Variants in PHKA2 observed in about 807,000 individuals in gnomAD.
PHKA2 encodes the protein phosphorylase kinase regulatory subunit alpha 2, also known as phosphorylase b kinase regulatory subunit alpha, liver isoform.
In PHKA2, 31 loss-of-function variants were observed where a neutral mutation model predicts 102.0. That is an observed-to-expected ratio of 0.30 (90% CI 0.23 to 0.41). The LOEUF (loss-of-function observed/expected upper bound fraction) is 0.41. PHKA2 is among the 10% of genes least tolerant of loss of function. The probability of loss-of-function intolerance (pLI) is 1.00; values close to 1 mark genes in which losing one functional copy is unlikely to be tolerated. For synonymous variants in PHKA2, 455 were observed against 416.2 expected (o/e 1.09, Z -1.13); for missense variants, 858 against 1,023.1 (o/e 0.84, Z 2.20).
intron 13 of PHKA2, 60 bp from the exon 14 acceptor site, chrX:18,926,647 C>T (rs1272908033): frequency 2.7e-5 from 29 of 1,094,270 alleles, no homozygotes; most frequent in South Asian, 7.4e-5. Context: ...CACATGGACA[C>T]GTGTTCCTTA....
intron 30 of PHKA2, chrX:18,895,547 G>A (rs2047531002): frequency 3.8e-6 from 1 of 262,630 alleles, no homozygotes; most frequent in Non-Finnish European, 6.9e-6. Context: ...CATGGCTCCT[G>A]CTGGGGAAGG....
At chrX:18,963,593 T>C (rs2048899058) in intron 1 of PHKA2, among the ~76,000 whole-genome samples, 1 of 112,006 alleles carries the variant, frequency 8.9e-6, no homozygotes, top group African/African-American at 3.3e-5. Context: ...TTAAGGCTGT[T>C]TGAGGTGAGT....
chrX:18,940,507 G>T (rs1385121310), intron 8 of PHKA2, among the ~76,000 whole-genome samples: 1 of 112,020 alleles, frequency 8.9e-6, no homozygotes, highest in Non-Finnish European at 1.9e-5. Flanking sequence ...CCTCCACAAA[G>T]ATTAGCAGAA....
intron 1 of PHKA2, among the ~76,000 whole-genome samples, chrX:18,963,075 C>T (rs948952533): frequency 1.8e-5 from 2 of 112,713 alleles, no homozygotes; most frequent in African/African-American, 6.4e-5. Context: ...TTGGGCCCTT[C>T]GTTTCGTCCC....
intron 1 of PHKA2, among the ~76,000 whole-genome samples, chrX:18,982,064 T>G (rs1274977120): frequency 9.0e-6 from 1 of 111,519 alleles, no homozygotes; most frequent in Non-Finnish European, 1.9e-5. Context: ...TTAAAACACT[T>G]TATAGATGTA....
chrX:18,906,225 G>A (rs2047808401), intron 25 of PHKA2, among the ~76,000 whole-genome samples: 1 of 111,996 alleles, frequency 8.9e-6, no homozygotes, highest in Admixed American at 9.5e-5. Flanking sequence ...CTTAGATGTC[G>A]GGTACAGGGC....
In PHKA2 at chrX:18,926,469, G is replaced by A. The variant is rs756280240; in HGVS notation, c.1443C>T (p.His481=). The A allele has an allele frequency of 2.5e-6, 3 of 1,203,931 alleles. No individual in the cohort carries two copies. The African/African-American group carries it at 5.2e-5, about 21-fold the overall frequency. ...IQVQPGRILS[H]IYAKLGRNKN... is the part of the protein sequence containing the mutation. ...CAAACCTACCAAGCTTGGCATATAT[G>A]TGACTAAGAATCCGGCCCGGCTGGA... The change falls in exon 14 of 33, where the codon CAC becomes CAT. Residue 481 remains histidine (H), a synonymous_variant. Transcript: ENST00000379942.
intron 13 of PHKA2, among the ~76,000 whole-genome samples, chrX:18,927,512 C>T (rs1379588993): frequency 8.9e-6 from 1 of 112,337 alleles, no homozygotes; most frequent in African/African-American, 3.2e-5. Flanking sequence ...GGATTGGCTA[C>T]TGTTAAGTAC....
At chrX:18,923,808 G>T (rs556330404) in intron 17 of PHKA2, among the ~76,000 whole-genome samples, 2 of 111,978 alleles carry the variant, frequency 1.8e-5, no homozygotes, top group East Asian at 5.6e-4. Context: ...GGGACTTGAT[G>T]GTTCACCTCC....
rs1292938160 is a variant in PHKA2 at position 18,918,691 on chromosome X, C to T, written c.2127G>A (p.Leu709=). 10 of 1,209,511 alleles carry T rather than the reference C, an allele frequency of 8.3e-6. No homozygotes were observed. In the South Asian group the frequency reaches 1.2e-4, roughly 15 times the overall value. The change falls in exon 19 of 33, where the codon TTG becomes TTA. Residue 709 remains leucine, a synonymous_variant. Coordinates refer to ENST00000379942, the MANE Select transcript of PHKA2 (RefSeq NM_000292.3). ...GAGTTAATAACATACATGGAACTTC[C>T]AAACCCTTTGCTTTTGCCATCACAG... is the stretch of plus-strand genomic sequence containing the variant. ...ILSVMAKAKG[L]EVPFVPMTLP... is the part of the protein sequence containing the mutation.
At chrX:18,925,524 G>C in intron 15 of PHKA2, 144 bp downstream of exon 15, 1 of 510,340 alleles carries the variant, frequency 2.0e-6, no homozygotes, top group Non-Finnish European at 3.5e-6. Flanking sequence ...ACTACGGGCA[G>C]ACTTGTACTA....
At chrX:18,933,970 G>A in intron 11 of PHKA2, among the ~76,000 whole-genome samples, 1 of 112,207 alleles carries the variant, frequency 8.9e-6, no homozygotes, top group Admixed American at 9.4e-5. Flanking sequence ...TCAGTAAAAC[G>A]TGCCCTCTAG....
intron 29 of PHKA2, among the ~76,000 whole-genome samples, chrX:18,898,882 C>T (rs776449741): frequency 3.6e-5 from 4 of 111,897 alleles, no homozygotes; most frequent in African/African-American, 6.5e-5. Context: ...ACTAATGCCC[C>T]GAAGTTTCCA....
chrX:18,918,431 C>T (rs1241042911), intron 19 of PHKA2, among the ~76,000 whole-genome samples: 1 of 111,840 alleles, frequency 8.9e-6, no homozygotes, highest in Non-Finnish European at 1.9e-5. Flanking sequence ...CCCACTTAAT[C>T]GAAAGTCAAC....
At chrX:18,923,772 G>A (rs929050909) in intron 17 of PHKA2, among the ~76,000 whole-genome samples, 2 of 111,982 alleles carry the variant, frequency 1.8e-5, no homozygotes, top group African/African-American at 3.2e-5. Context: ...CCATACATGC[G>A]TTCCAAGAAG....
At chrX:18,936,564 C>T (rs1019598479) in intron 10 of PHKA2, among the ~76,000 whole-genome samples, 3 of 112,152 alleles carry the variant, frequency 2.7e-5, no homozygotes, top group Non-Finnish European at 5.6e-5. Context: ...TCTCAGTAAC[C>T]GGATTATAAA....
intron 6 of PHKA2, among the ~76,000 whole-genome samples, chrX:18,944,708 T>C (rs192885663): frequency 1.8e-5 from 2 of 112,298 alleles, no homozygotes; most frequent in East Asian, 5.6e-4. Flanking sequence ...TTGTAGACTT[T>C]TGAACTTGTG....
chrX:18,952,546 G>A lies in PHKA2; in HGVS notation c.238-5C>T, dbSNP rs1294199536. The A allele has an allele frequency of 8.3e-7, 1 of 1,207,277 alleles. No individual in the cohort carries two copies. The highest frequency in any genetic ancestry group is 2.2e-5 in the Admixed American group (1 of 45,670). ...TCGCATCAGCTTCACCACGTTCTGT[G>A]GAGATAAAGCAGAATCAGCAACACG... On this transcript the variant is annotated splice_polypyrimidine_tract_variant and splice_region_variant and intron_variant, in intron 2 of 32. Coordinates refer to ENST00000379942, the MANE Select transcript of PHKA2 (RefSeq NM_000292.3).
At chrX:18,908,204 A>G (rs2047858384) in intron 21 of PHKA2, 148 bp from the exon 22 acceptor site, 5 of 590,248 alleles carry the variant, frequency 8.5e-6, no homozygotes, top group Non-Finnish European at 5.8e-6. Context: ...AAGCTTCCCT[A>G]TGTCCTTTGA....
Sources: gnomAD v4.1 joint callset for allele counts (sites outside exome capture counted in the v4.1 genomes callset) on GRCh38, gnomAD v4.1.1 for gene constraint, MANE v1.5 for transcripts, NCBI Gene and HGNC (gene_info 2026-07-23, HGNC 2026-07-21) for gene names.